The following ADK variants were observed in gnomAD, a reference collection of about 807,000 sequenced individuals.
ADK encodes adenosine kinase, also known as N6,N6-dimethyladenosine kinase.
In ADK, 24 loss-of-function variants were observed where a neutral mutation model predicts 44.7. The ratio of observed to expected loss-of-function variants is 0.54; its 90% CI spans 0.39 to 0.76. The LOEUF (loss-of-function observed/expected upper bound fraction) is 0.76, where lower values mean the gene tolerates loss of function less well. Ranked by LOEUF, ADK falls within the 30% of genes least tolerant of loss-of-function variation. ADK has a pLI of 0.00. For synonymous variants in ADK, 128 were observed against 142.6 expected, an observed-to-expected ratio of 0.90 and a Z score of 0.73; for missense variants, 321 against 425.1, an observed-to-expected ratio of 0.76 and a Z score of 2.15.
chr10:74,558,786 A>G (rs1850355880), intron 7 of ADK, among the ~76,000 whole-genome samples: 1 of 152,208 alleles, frequency 6.6e-6, no homozygotes, highest in Non-Finnish European at 1.5e-5. Flanking sequence ...TCTGGAAGCT[A>G]GAAAGGCAAG....
chr10:74,259,548 C>T (rs1845963757), intron 3 of ADK, among the ~76,000 whole-genome samples: 1 of 150,366 alleles, frequency 6.7e-6, no homozygotes, highest in South Asian at 2.1e-4. Flanking sequence ...GCTCCACCTC[C>T]TGGGTTCATG....
At chr10:74,599,975 A>G (rs1852058142) in intron 8 of ADK, among the ~76,000 whole-genome samples, 1 of 152,136 alleles carries the variant, frequency 6.6e-6, no homozygotes, top group African/African-American at 2.4e-5. Flanking sequence ...CTGCCTGGAT[A>G]TTTGCTGATA....
At chr10:74,252,115 C>G (rs1845673663) in intron 3 of ADK, among the ~76,000 whole-genome samples, 1 of 151,912 alleles carries the variant, frequency 6.6e-6, no homozygotes, top group African/African-American at 2.4e-5. Flanking sequence ...ACCTCCTCTC[C>G]CCTCATTTTT....
chr10:74,359,137 T>G (rs1842239513), intron 4 of ADK, among the ~76,000 whole-genome samples: 2 of 152,090 alleles, frequency 1.3e-5, no homozygotes, highest in Non-Finnish European at 2.9e-5. Flanking sequence ...AAGATGAGGA[T>G]CTAGTTTGAT....
chr10:74,489,905 A>T (rs1589163819), intron 6 of ADK, among the ~76,000 whole-genome samples: 2 of 152,120 alleles, frequency 1.3e-5, no homozygotes, highest in South Asian at 4.1e-4. Flanking sequence ...ATATAATTGG[A>T]TTTGCAATGC....
At chr10:74,445,742 C>G (rs1004940335) in intron 6 of ADK, among the ~76,000 whole-genome samples, 2 of 152,002 alleles carry the variant, frequency 1.3e-5, no homozygotes, top group African/African-American at 2.4e-5. Context: ...GGCTGTTGAG[C>G]CTTACCTAAA....
intron 3 of ADK, among the ~76,000 whole-genome samples, chr10:74,225,518 A>T (rs1202489370): frequency 6.6e-6 from 1 of 152,164 alleles, no homozygotes; most frequent in African/African-American, 2.4e-5. Flanking sequence ...AGATTAAGTA[A>T]TAATTTTTTT....
At chr10:74,400,619 G>T (rs1843672262) in intron 6 of ADK, among the ~76,000 whole-genome samples, 1 of 152,144 alleles carries the variant, frequency 6.6e-6, no homozygotes, top group South Asian at 2.1e-4. Flanking sequence ...AATTAAGTGG[G>T]CTGCCCCATA....
chr10:74,331,177 C>T (rs1220470644), intron 4 of ADK, among the ~76,000 whole-genome samples: 3 of 152,158 alleles, frequency 2.0e-5, no homozygotes, highest in Non-Finnish European at 4.4e-5. Context: ...TAATAAACTA[C>T]TATGGCTGTG....
intron 9 of ADK, among the ~76,000 whole-genome samples, chr10:74,632,246 A>G (rs1853463448): frequency 6.6e-6 from 1 of 152,118 alleles, no homozygotes; most frequent in African/African-American, 2.4e-5. Flanking sequence ...ACTTAACATA[A>G]TGTTTTCAAG....
intron 9 of ADK, among the ~76,000 whole-genome samples, chr10:74,629,937 T>C (rs1029994507): frequency 6.6e-6 from 1 of 152,172 alleles, no homozygotes; most frequent in African/African-American, 2.4e-5. Flanking sequence ...TGAGAATACA[T>C]ATCAAAAGCC....
In ADK at chr10:74,307,415, C is replaced by G. The variant is rs1840293936; in HGVS notation, c.195-7252C>G. Among the ~76,000 whole-genome samples, 3 of 152,296 alleles carry G rather than the reference C, an allele frequency of 2.0e-5. No homozygotes were observed. The South Asian group carries it at 6.2e-4, about 32-fold the overall frequency. ...GTTGGCAGGTGGAACAAAAAGCTGC[C>G]AGTTCTGGCCTGCCCCTGTGAACAG... On this transcript the variant is annotated intron_variant, in intron 3 of 10. Coordinates refer to ENST00000539909, the MANE Select transcript of ADK (RefSeq NM_006721.4).
At chr10:74,212,470 A>G (rs1206098206) in intron 2 of ADK, among the ~76,000 whole-genome samples, 1 of 152,220 alleles carries the variant, frequency 6.6e-6, no homozygotes, top group Non-Finnish European at 1.5e-5. Flanking sequence ...GTGGCATTAT[A>G]GAATAGAGGT....
rs1054461638 is a variant in ADK at position 74,676,318 on chromosome 10, T to A, written c.964+6049T>A. ...CTAATTTTTGTATTTTTAGTAGAGA[T>A]GGAGTTTTGCCATGTTGGCCAGGCT... On this transcript the variant is annotated intron_variant, in intron 10 of 10. Coordinates refer to ENST00000539909, the MANE Select transcript of ADK (RefSeq NM_006721.4). 2.0e-5 allele frequency among the ~76,000 whole-genome samples: 3 copies of A among 151,980 alleles called. No individual in the cohort carries two copies. The East Asian group carries it at 5.8e-4, about 29-fold the overall frequency.
rs114850782 is a variant in ADK at position 74,670,664 on chromosome 10, T to A, written c.964+395T>A. 5.5e-3 allele frequency among the ~76,000 whole-genome samples: 834 copies of A among 152,334 alleles called. 5 individuals are homozygous for A. Among genetic ancestry groups the A allele is most frequent in the African/African-American group, 0.019 (785 of 41,586 alleles). On this transcript the variant is annotated intron_variant, in intron 10 of 10. Transcript: ENST00000539909. The stretch of plus-strand genomic sequence containing the variant: ...AGTATGCTAATAACTAAGGATGATG[T>A]CTTTTGATGATAATCCTTTGGTTAA...
intron 10 of ADK, among the ~76,000 whole-genome samples, chr10:74,698,028 A>G (rs1251822585): frequency 6.6e-6 from 1 of 152,236 alleles, no homozygotes; most frequent in Non-Finnish European, 1.5e-5. Context: ...CCAATTGTTA[A>G]TGAACAGAGG....
At chr10:74,299,520 A>C (rs1272969151) in intron 3 of ADK, among the ~76,000 whole-genome samples, 23 of 145,300 alleles carry the variant, frequency 1.6e-4, no homozygotes, top group Non-Finnish European at 2.9e-4. Flanking sequence ...AAAGAAATAT[A>C]TATATATATA....
intron 7 of ADK, among the ~76,000 whole-genome samples, chr10:74,539,705 A>C (rs940268367): frequency 6.6e-6 from 1 of 152,202 alleles, no homozygotes; most frequent in Non-Finnish European, 1.5e-5. Context: ...AGAAAAAAAA[A>C]CAAAAACTTA....
chr10:74,656,169 C>G lies in ADK; in HGVS notation c.878-14014C>G, dbSNP rs1005522272. 32 of 278,458 alleles carry G rather than the reference C, an allele frequency of 1.1e-4. No individual in the cohort carries two copies. The Admixed American group carries it at 1.2e-3, about 10-fold the overall frequency. The allele number at this position is 278,458 out of a possible 1,614,324, so 17.2% of individuals were successfully genotyped here. Reference sequence around the variant, plus strand: ...GATGGAGGAGGATGGCGGCTGCTGTCTGCTCCAGACATTTTGTTCTCGAAT... The same window carrying G: ...GATGGAGGAGGATGGCGGCTGCTGTGTGCTCCAGACATTTTGTTCTCGAAT... On this transcript the variant is annotated intron_variant, in intron 9 of 10. Transcript: ENST00000539909.
Sources: allele counts gnomAD v4.1 joint callset (sites outside exome capture counted in the v4.1 genomes callset), GRCh38; gene constraint gnomAD v4.1.1; transcripts MANE v1.5; gene names NCBI Gene and HGNC (gene_info 2026-07-23, HGNC 2026-07-21).